Variants in CA4 observed in about 807,000 individuals in gnomAD.
CA4 encodes CA-IV.
Under a neutral mutation model 34.5 loss-of-function variants are expected in CA4, and 24 were observed. That is an observed-to-expected ratio of 0.70 (90% CI 0.50 to 0.98). The LOEUF (loss-of-function observed/expected upper bound fraction) is 0.98, where lower values mean the gene tolerates loss of function less well. CA4 is among the 50% of genes least tolerant of loss of function. CA4 has a pLI of 0.00. For synonymous variants in CA4, 178 were observed against 170.6 expected (o/e 1.04, Z -0.34); for missense variants, 394 against 396.7 (o/e 0.99, Z 0.06).
chr17:60,167,651 T>G (rs546216982), intron 5 of CA4, among the ~76,000 whole-genome samples: 11 of 152,370 alleles, frequency 7.2e-5, no homozygotes, highest in African/African-American at 2.6e-4. Flanking sequence ...CAGGCTCTAT[T>G]TATGCCAGCT....
downstream of CA4, among the ~76,000 whole-genome samples, chr17:60,163,080 C>A (rs1342075716): frequency 6.6e-6 from 1 of 150,910 alleles, no homozygotes; most frequent in Non-Finnish European, 1.5e-5. Context: ...ACTTCCCCAT[C>A]TTGGCTCTTG....
chr17:60,166,364 C>T (rs1292164283), intron 5 of CA4, among the ~76,000 whole-genome samples: 1 of 152,192 alleles, frequency 6.6e-6, no homozygotes, highest in Admixed American at 6.5e-5. Context: ...TCTCCTCTGT[C>T]TCCTAAAGTG....
At chr17:60,162,822 G>A (rs2083807956), downstream of CA4, among the ~76,000 whole-genome samples, 1 of 152,144 alleles carries the variant, frequency 6.6e-6, no homozygotes, top group African/African-American at 2.4e-5. Context: ...GAGGGACGGG[G>A]CACTTGTCAG....
At chr17:60,160,584 C>T (rs1469426470), downstream of CA4, among the ~76,000 whole-genome samples, 4 of 151,784 alleles carry the variant, frequency 2.6e-5, no homozygotes, top group Admixed American at 1.3e-4. Context: ...GCCAACGTGG[C>T]GAAACACCGT....
chr17:60,158,744 T>C, intron 7 of CA4: 2 of 493,210 alleles, frequency 4.1e-6, no homozygotes, highest in Non-Finnish European at 7.4e-6. Flanking sequence ...CCCAAATCCC[T>C]ACCCTTGCAC....
downstream of CA4, among the ~76,000 whole-genome samples, chr17:60,174,041 C>T (rs1186717803): frequency 1.3e-5 from 2 of 152,162 alleles, no homozygotes; most frequent in Non-Finnish European, 2.9e-5. Context: ...GTATTGTTTC[C>T]TTAAGTGAGG....
At chr17:60,174,814 A>G (rs562403716), downstream of CA4, among the ~76,000 whole-genome samples, 4 of 152,262 alleles carry the variant, frequency 2.6e-5, no homozygotes, top group Non-Finnish European at 5.9e-5. Context: ...TCAGCCTCCA[A>G]ACTAGCTGGG....
At chr17:60,166,236 G>A (rs934869433) in intron 5 of CA4, among the ~76,000 whole-genome samples, 1 of 152,202 alleles carries the variant, frequency 6.6e-6, no homozygotes, top group Admixed American at 6.5e-5. Context: ...AGCCTCCCAA[G>A]TAGCTGGGAT....
At chr17:60,163,019 G>C (rs368022361), downstream of CA4, among the ~76,000 whole-genome samples, 87 of 152,312 alleles carry the variant, frequency 5.7e-4, 4 homozygotes, top group South Asian at 0.017. Flanking sequence ...CCGGGTGGGA[G>C]CCAGGGGCTA....
intron 3 of CA4, 29 bp from the exon 4 acceptor site, chr17:60,157,398 C>T (rs960655176): frequency 1.7e-5 from 27 of 1,613,676 alleles, no homozygotes; most frequent in South Asian, 7.7e-5. Context: ...GAGGCTGGTT[C>T]GAGGACTCTG....
At chr17:60,177,991 A>T in the CA4 span, among the ~76,000 whole-genome samples, 1 of 152,178 alleles carries the variant, frequency 6.6e-6, no homozygotes, top group Non-Finnish European at 1.5e-5. Context: ...TGAAATAAAT[A>T]ATATTTATAC....
At chr17:60,167,531 C>A (rs931319256) in intron 5 of CA4, among the ~76,000 whole-genome samples, 1 of 152,098 alleles carries the variant, frequency 6.6e-6, no homozygotes, top group Non-Finnish European at 1.5e-5. Flanking sequence ...GTTTGCAGCA[C>A]GAGTGAATAA....
intron 1 of CA4, among the ~76,000 whole-genome samples, chr17:60,150,324 C>A (rs2083567586): frequency 6.6e-6 from 1 of 152,110 alleles, no homozygotes; most frequent in African/African-American, 2.4e-5. Context: ...CACGGGTGTG[C>A]GCGGTGAGGG....
chr17:60,155,593 ACAC>A (rs558832050), intron 2 of CA4, among the ~76,000 whole-genome samples: 225 of 150,364 alleles, frequency 1.5e-3, no homozygotes, highest in South Asian at 0.012. Flanking sequence ...AGAAACACAC[ACAC>A]AACACACACA....
At chr17:60,160,914 G>T (rs1383545393), downstream of CA4, among the ~76,000 whole-genome samples, 4 of 150,106 alleles carry the variant, frequency 2.7e-5, no homozygotes, top group Non-Finnish European at 5.9e-5. Context: ...GTAGAGGGAG[G>T]GAGGGAGGGA....
At chr17:60,157,382 C>A in intron 3 of CA4, 45 bp from the exon 4 acceptor site, 1 of 1,599,242 alleles carries the variant, frequency 6.3e-7, no homozygotes, top group Non-Finnish European at 8.5e-7. Flanking sequence ...CTAGAGGAGG[C>A]TGAGGGAGGC....
chr17:60,153,209 A>C (rs1269836636), intron 1 of CA4, among the ~76,000 whole-genome samples: 1 of 152,080 alleles, frequency 6.6e-6, no homozygotes, highest in African/African-American at 2.4e-5. Context: ...ATGGTGGTAC[A>C]TGCCTGTAAT....
At position 60,155,374 on chromosome 17, in the gene CA4, A is replaced by G. The variant is rs554182008; in HGVS notation, c.112+7A>G. The stretch of plus-strand genomic sequence containing the variant: ...TCCAACTACCCCTGCTTGGGTGAGT[A>G]CAGCCAGTCCAGGGGACTGCTCTTT... On this transcript the variant is annotated splice_region_variant and intron_variant, in intron 2 of 7. Coordinates refer to ENST00000300900, the MANE Select transcript of CA4 (RefSeq NM_000717.5). The G allele has an allele frequency of 6.2e-7, 1 of 1,604,568 alleles. No individual in the cohort carries two copies. The highest frequency in any genetic ancestry group is 1.3e-5 in the African/African-American group (1 of 74,644).
chr17:60,162,377 C>T (rs2083801048), downstream of CA4, among the ~76,000 whole-genome samples: 1 of 152,168 alleles, frequency 6.6e-6, no homozygotes. Flanking sequence ...CAGACCCCCA[C>T]CCTGGGGATG....
Sources: allele counts gnomAD v4.1 joint callset (sites outside exome capture counted in the v4.1 genomes callset), GRCh38; gene constraint gnomAD v4.1.1; transcripts MANE v1.5; gene names NCBI Gene and HGNC (gene_info 2026-07-23, HGNC 2026-07-21).